Variants in ZNF280D observed in about 807,000 individuals in gnomAD.
ZNF280D encodes the protein zinc finger protein 280D.
Under a neutral mutation model 94.7 loss-of-function variants are expected in ZNF280D, and 39 were observed. That is an observed-to-expected ratio of 0.41 (90% CI 0.32 to 0.54). The LOEUF is 0.54. ZNF280D is among the 20% of genes least tolerant of loss of function. The pLI, the probability that ZNF280D is intolerant of heterozygous loss-of-function variation, is 0.22. For missense variants in ZNF280D, 1,090 were observed against 1,149.3 expected, an observed-to-expected ratio of 0.95 and a Z score of 0.75; for synonymous variants, 398 against 377.6, an observed-to-expected ratio of 1.05 and a Z score of -0.63.
intron 6 of ZNF280D, among the ~76,000 whole-genome samples, chr15:56,697,047 G>GT (rs1228349045): frequency 6.6e-6 from 1 of 152,026 alleles, no homozygotes; most frequent in Non-Finnish European, 1.5e-5. Context: ...ATAATGTTTT[G>GT]TTTTTCTATT....
At position 56,724,883 on chromosome 15, in the gene ZNF280D, T is replaced by G. The variant is rs1296682748; in HGVS notation, c.-86+8575A>C. ...CAATAACGTTGTCAGATCTATTTTT[T>G]TTCTCATGGAATGTAAGAAAGCTAT... is the stretch of plus-strand genomic sequence containing the variant. On this transcript the variant is annotated intron_variant, in intron 1 of 21. Transcript: ENST00000267807. 6.6e-6 allele frequency: 3 copies of G among 454,022 alleles called. No homozygotes were observed. The East Asian group carries it at 2.1e-4, about 32-fold the overall frequency. 28.1% of individuals were successfully genotyped at this position (454,022 alleles called of 1,614,324 possible).
chr15:56,723,907 T>C (rs1220447118), intron 1 of ZNF280D, among the ~76,000 whole-genome samples: 3 of 152,200 alleles, frequency 2.0e-5, no homozygotes, highest in Non-Finnish European at 4.4e-5. Flanking sequence ...CACAGCTTAG[T>C]CTAACTTACC....
chr15:56,694,294 T>TACACAC (rs57017142), intron 6 of ZNF280D, among the ~76,000 whole-genome samples: 89 of 138,504 alleles, frequency 6.4e-4, no homozygotes, highest in South Asian at 1.5e-3. Flanking sequence ...TAATGACACA[T>TACACAC]ACACACACAC....
intron 9 of ZNF280D, among the ~76,000 whole-genome samples, chr15:56,683,257 G>A (rs544208056): frequency 6.6e-6 from 1 of 152,112 alleles, no homozygotes. Flanking sequence ...ACAACTTGTA[G>A]TGAATTAGGG....
chr15:56,731,627 C>T (rs1324397959), intron 1 of ZNF280D, among the ~76,000 whole-genome samples: 4 of 151,264 alleles, frequency 2.6e-5, no homozygotes, highest in Admixed American at 1.3e-4. Flanking sequence ...AGTGTGATTG[C>T]GGTATTGTTA....
Position 56,707,324 on chromosome 15 carries a change from C to A in ZNF280D, c.-85-18G>T. The A allele has an allele frequency of 6.6e-7, 1 of 1,518,776 alleles. No individual in the cohort carries two copies. Among genetic ancestry groups the A allele is most frequent in the African/African-American group, 1.4e-5 (1 of 72,684 alleles). 94.1% of individuals were successfully genotyped at this position (1,518,776 alleles called of 1,614,324 possible). On this transcript the variant is annotated intron_variant, in intron 1 of 21. Coordinates refer to ENST00000267807, the MANE Select transcript of ZNF280D (RefSeq NM_017661.4). Reference sequence around the variant, plus strand: ...TTTCCTTCCTATAAAATAAAGATACCAACTATTAGGGTGGACTTCATTAAA... The same window carrying A: ...TTTCCTTCCTATAAAATAAAGATACAAACTATTAGGGTGGACTTCATTAAA...
chr15:56,719,357 CA>C (rs34460966), intron 1 of ZNF280D, among the ~76,000 whole-genome samples: 2 of 148,998 alleles, frequency 1.3e-5, no homozygotes, highest in South Asian at 2.1e-4. Context: ...AACAAAAAAC[CA>C]AAAAAAAAGC....
chr15:56,689,461 T>C lies in ZNF280D; in HGVS notation c.509A>G (p.Glu170Gly). ...GPTLSMAGMS[E>G]SSFLSKRPST... The stretch of plus-strand genomic sequence containing the variant: ...AGGACGTTTTGATAAAAATGAACTT[T>C]CACTCATACCTACAATAATTTAAAT... Residue 170 changes from glutamate to glycine, a missense_variant, in exon 8 of 22, where the codon GAA becomes GGA. Transcript: ENST00000267807. 1 of 1,549,718 alleles carries C rather than the reference T, an allele frequency of 6.5e-7. No individual in the cohort carries two copies. The highest frequency in any genetic ancestry group is 1.7e-4 in the Middle Eastern group (1 of 5,836).
intron 19 of ZNF280D, among the ~76,000 whole-genome samples, chr15:56,648,112 G>A (rs2053003638): frequency 6.6e-6 from 1 of 152,102 alleles, no homozygotes; most frequent in African/African-American, 2.4e-5. Context: ...ACTGCCTCAA[G>A]CCAATTCCTC....
At chr15:56,696,158 G>C (rs1455654259) in intron 6 of ZNF280D, among the ~76,000 whole-genome samples, 1 of 152,112 alleles carries the variant, frequency 6.6e-6, no homozygotes, top group African/African-American at 2.4e-5. Flanking sequence ...TCAACATGTA[G>C]TATTTTCTTT....
At chr15:56,679,865 T>C (rs1367938905) in intron 10 of ZNF280D, among the ~76,000 whole-genome samples, 2 of 152,202 alleles carry the variant, frequency 1.3e-5, no homozygotes, top group Non-Finnish European at 2.9e-5. Context: ...TTTTCCTCCT[T>C]TGGTTTTAAC....
At chr15:56,698,593 C>T (rs1317713835) in intron 6 of ZNF280D, 1 of 152,154 alleles carries the variant, frequency 6.6e-6, no homozygotes, top group African/African-American at 2.4e-5. Context: ...TATTCAGGTC[C>T]TGTGTAATTC....
At chr15:56,700,498 T>A in intron 6 of ZNF280D, 22 of 1,003,402 alleles carry the variant, frequency 2.2e-5, no homozygotes, top group Non-Finnish European at 2.4e-5. Context: ...GAGTTTTTTG[T>A]AATAGGAAAA....
intron 14 of ZNF280D, among the ~76,000 whole-genome samples, chr15:56,667,746 A>C (rs984718825): frequency 6.6e-6 from 1 of 152,080 alleles, no homozygotes; most frequent in Non-Finnish European, 1.5e-5. Flanking sequence ...TGGACCAGGA[A>C]TCAAAAGGCC....
Position 56,666,707 on chromosome 15 carries a change from T to C in ZNF280D, c.1825A>G (p.Lys609Glu). 1 of 1,610,150 alleles carries C rather than the reference T, an allele frequency of 6.2e-7. No individual in the cohort carries two copies. The highest frequency in any genetic ancestry group is 8.5e-7 in the Non-Finnish European group (1 of 1,179,010). The change falls in exon 15 of 22, where the codon AAA becomes GAA. Residue 609 changes from lysine to glutamate, a missense_variant. Coordinates refer to ENST00000267807, the MANE Select transcript of ZNF280D (RefSeq NM_017661.4). ...AAATTCCTCAATGCTGTATTGACTT[T>C]ACTTTTTTTATTGCTACTAGCCAAT... ...STLASSNKKS[K>E]VNTALRNLRY...
intron 1 of ZNF280D, among the ~76,000 whole-genome samples, chr15:56,709,147 C>T (rs1483245261): frequency 1.3e-5 from 2 of 152,058 alleles, no homozygotes; most frequent in Non-Finnish European, 2.9e-5. Flanking sequence ...ACAAAGAACT[C>T]AAACAAATTT....
At chr15:56,697,356 T>A (rs548866666) in intron 6 of ZNF280D, among the ~76,000 whole-genome samples, 1 of 152,298 alleles carries the variant, frequency 6.6e-6, no homozygotes, top group African/African-American at 2.4e-5. Context: ...AGCTAACTTT[T>A]TTATTTTTAG....
chr15:56,637,997 T>A (rs1382562440), intron 20 of ZNF280D, among the ~76,000 whole-genome samples: 1 of 152,160 alleles, frequency 6.6e-6, no homozygotes, highest in Non-Finnish European at 1.5e-5. Flanking sequence ...TTAACCACAT[T>A]TTTTTCATAG....
chr15:56,652,555 AAAAT>A, intron 19 of ZNF280D: 2 of 848,758 alleles, frequency 2.4e-6, no homozygotes, highest in Non-Finnish European at 2.8e-6. Flanking sequence ...CAATGTAACT[AAAAT>A]AAACACATGA....
Sources: allele counts gnomAD v4.1 joint callset (sites outside exome capture counted in the v4.1 genomes callset), GRCh38; gene constraint gnomAD v4.1.1; transcripts MANE v1.5; gene names NCBI Gene and HGNC (gene_info 2026-07-23, HGNC 2026-07-21).